MAB21L3: variants seen among roughly 807,000 people sequenced by gnomAD.
The protein encoded by MAB21L3 is mab-21 like 3.
Under a neutral mutation model 37.7 loss-of-function variants are expected in MAB21L3, and 36 were observed. The observed-to-expected ratio is 0.96, with a 90% CI of 0.73 to 1.26. The LOEUF is 1.26. Ranked by LOEUF, MAB21L3 falls within the 50% of genes most tolerant of loss-of-function variation. The pLI is 0.00. For missense variants in MAB21L3, 430 were observed against 447.3 expected (o/e 0.96, Z 0.35); for synonymous variants, 186 against 176.8 (o/e 1.05, Z -0.41).
chr1:116,117,456 C>T (rs946022848), intron 3 of MAB21L3, among the ~76,000 whole-genome samples: 2 of 151,992 alleles, frequency 1.3e-5, no homozygotes, highest in South Asian at 2.1e-4. Flanking sequence ...TTCTTTATTC[C>T]GGCTGGAAGA....
Position 116,136,695 on chromosome 1 carries a change from G to A in MAB21L3, c.*3330G>A, listed in dbSNP as rs1403918354. ...AATTCTAAGCCAAAAGAACAAAGCT[G>A]GAGGCATCACACTACCTGACTTCAA... On this transcript the variant is annotated 3_prime_UTR_variant, in exon 8 of 8. Coordinates refer to ENST00000369500, the MANE Select transcript of MAB21L3 (RefSeq NM_152367.3). Among the ~76,000 whole-genome samples, 1 of 152,180 alleles carries A rather than the reference G, an allele frequency of 6.6e-6. No homozygotes were observed. Among genetic ancestry groups the A allele is most frequent in the Non-Finnish European group, 1.5e-5 (1 of 68,044 alleles).
chr1:116,111,515 G>A lies in MAB21L3; in HGVS notation c.-392+5G>A, dbSNP rs186340558. 1.3e-5 allele frequency among the ~76,000 whole-genome samples: 2 copies of A among 152,268 alleles called. No individual in the cohort carries two copies. The highest frequency in any genetic ancestry group is 2.1e-4 in the South Asian group (1 of 4,828). The stretch of plus-strand genomic sequence containing the variant: ...CCTTTGGAACATTGTTTAAAAGTAA[G>A]TAGTGCTCCCAGAAGGGCTGTAATT... On this transcript the variant is annotated splice_donor_5th_base_variant and intron_variant, in intron 1 of 7. Transcript: ENST00000369500.
intron 2 of MAB21L3, among the ~76,000 whole-genome samples, chr1:116,112,099 G>A (rs7520848): frequency 6.6e-6 from 1 of 152,118 alleles, no homozygotes; most frequent in African/African-American, 2.4e-5. Context: ...CAATCCGTGG[G>A]ATTTTCTGGC....
intron 6 of MAB21L3, among the ~76,000 whole-genome samples, 177 bp downstream of exon 6, chr1:116,127,821 C>T (rs1253049954): frequency 3.9e-4 from 60 of 152,196 alleles, no homozygotes; most frequent in Admixed American, 3.9e-3. Flanking sequence ...AATGCAGCTT[C>T]CCGAGCCCCC....
At chr1:116,123,632 G>T (rs1258584794) in intron 4 of MAB21L3, among the ~76,000 whole-genome samples, 3 of 152,176 alleles carry the variant, frequency 2.0e-5, no homozygotes, top group Non-Finnish European at 4.4e-5. Flanking sequence ...AAGCCCCTCT[G>T]CATCTTGAAT....
chr1:116,123,947 C>G, intron 4 of MAB21L3, 119 bp from the exon 5 acceptor site: 2 of 992,100 alleles, frequency 2.0e-6, no homozygotes, highest in South Asian at 3.2e-5. Context: ...TATCTGGTCA[C>G]TCTGCTGAGG....
rs781180790 is a variant in MAB21L3, at chr1:116,124,278, C to T, written c.402C>T (p.Asp134=). ...WQWHETDVNI[D]GDIVPAKVLL... Reference sequence around the variant, plus strand: ...GGCATGAGACAGATGTGAACATCGACGGAGACATTGTGCCTGCCAAGGTCC... The same window carrying T: ...GGCATGAGACAGATGTGAACATCGATGGAGACATTGTGCCTGCCAAGGTCC... Residue 134 remains aspartate, a synonymous_variant, in exon 5 of 8, where the codon GAC becomes GAT. Coordinates refer to ENST00000369500, the MANE Select transcript of MAB21L3 (RefSeq NM_152367.3). 2.5e-5 allele frequency: 40 copies of T among 1,614,134 alleles called. No homozygotes were observed. The East Asian group carries it at 2.9e-4, about 12-fold the overall frequency.
rs775154274 is a variant in MAB21L3 at position 116,124,148 on chromosome 1, G to T, written c.272G>T (p.Arg91Leu). ...AGGGAGGCCAGGGAGCAGCACTGGC[G>T]GTACTACACACTGCAGGGCACCAGG... is the stretch of plus-strand genomic sequence containing the variant. ...GYREAREQHW[R>L]YYTLQGTRLP... The change falls in exon 5 of 8, where the codon CGG (arginine) becomes CTG (leucine). Residue 91 changes from arginine (R) to leucine (L), a missense_variant. Physicochemically the swap from Arg to Leu is moderately radical, Grantham distance 102. Coordinates refer to ENST00000369500, the MANE Select transcript of MAB21L3 (RefSeq NM_152367.3). 6.2e-7 allele frequency: 1 copy of T among 1,614,178 alleles called. No individual in the cohort carries two copies. The highest frequency in any genetic ancestry group is 1.1e-5 in the South Asian group (1 of 91,066).
intron 7 of MAB21L3, among the ~76,000 whole-genome samples, chr1:116,128,715 G>A (rs77137603): frequency 6.6e-6 from 1 of 152,118 alleles, no homozygotes; most frequent in Admixed American, 6.5e-5. Context: ...AATGTGGTTT[G>A]TGCCTCACAC....
At chr1:116,120,905 A>C in intron 3 of MAB21L3, 27 bp from the exon 4 acceptor site, 1 of 1,612,568 alleles carries the variant, frequency 6.2e-7, no homozygotes, top group Non-Finnish European at 8.5e-7. Context: ...GGAAATAACC[A>C]CCATTGCTGG....
intron 3 of MAB21L3, among the ~76,000 whole-genome samples, chr1:116,116,171 G>A (rs1249899247): frequency 6.6e-6 from 1 of 152,162 alleles, no homozygotes; most frequent in Non-Finnish European, 1.5e-5. Context: ...GCCAGAATAA[G>A]TGGAGAGAAA....
chr1:116,135,837 T>C lies in MAB21L3; in HGVS notation c.*2472T>C, dbSNP rs1315343943. Among the ~76,000 whole-genome samples the C allele has an allele frequency of 4.2e-4, 63 of 150,774 alleles. No individual in the cohort carries two copies. The highest frequency in any genetic ancestry group is 2.4e-4 in the Non-Finnish European group (16 of 67,148). On this transcript the variant is annotated 3_prime_UTR_variant, in exon 8 of 8. Coordinates refer to ENST00000369500, the MANE Select transcript of MAB21L3 (RefSeq NM_152367.3). ...GGCTGGTTCAATATACGCAAATCAA[T>C]AAATGTAATCCAGCATATAAACAGA...
chr1:116,131,013 A>G (rs1432474081), intron 7 of MAB21L3, among the ~76,000 whole-genome samples: 3 of 152,200 alleles, frequency 2.0e-5, no homozygotes, highest in Non-Finnish European at 4.4e-5. Flanking sequence ...CTAAACCATA[A>G]CATTAATGGA....
Position 116,121,005 on chromosome 1 carries a change from A to T in MAB21L3, c.122A>T (p.Asn41Ile). 6.2e-7 allele frequency: 1 copy of T among 1,614,096 alleles called. No individual in the cohort carries two copies. The highest frequency in any genetic ancestry group is 8.5e-7 in the Non-Finnish European group (1 of 1,179,994). ...VQKVVHHLTT[N>I]ISNQDIRFQA... ...AAAGTCGTTCATCATTTGACCACAA[A>T]CATCAGCAACCAAGACATTAGATTT... is the stretch of plus-strand genomic sequence containing the variant. The change falls in exon 4 of 8, where the codon AAC (asparagine) becomes ATC (isoleucine). Residue 41 changes from asparagine to isoleucine, a missense_variant. By Grantham distance (149) the Asn-to-Ile change is moderately radical. Coordinates refer to ENST00000369500, the MANE Select transcript of MAB21L3 (RefSeq NM_152367.3).
intron 3 of MAB21L3, among the ~76,000 whole-genome samples, chr1:116,113,901 C>A (rs1659497781): frequency 6.6e-6 from 1 of 152,174 alleles, no homozygotes; most frequent in Admixed American, 6.5e-5. Context: ...CTGCCTCTCT[C>A]ACGTGTGTCC....
rs1447507315 is a variant in MAB21L3 at position 116,127,533 on chromosome 1, G to A, written c.549G>A (p.Val183=). ...WVAVETSAYQ[V]ELELVPAVEI... ...CTGTGGAAACATCTGCATATCAGGT[G>A]GAACTGGAGCTGGTCCCCGCAGTGG... is the stretch of plus-strand genomic sequence containing the variant. Residue 183 remains valine (V), a synonymous_variant, in exon 6 of 8, where the codon GTG becomes GTA. Transcript: ENST00000369500. 4 of 1,614,106 alleles carry A rather than the reference G, an allele frequency of 2.5e-6. No individual in the cohort carries two copies. Among genetic ancestry groups the A allele is most frequent in the African/African-American group, 1.3e-5 (1 of 74,932 alleles).
rs1237176487 is a variant in MAB21L3 at position 116,137,658 on chromosome 1, A to G, written c.*4293A>G. Among the ~76,000 whole-genome samples, 29 of 151,508 alleles carry G rather than the reference A, an allele frequency of 1.9e-4. No homozygotes were observed. The highest frequency in any genetic ancestry group is 4.2e-4 in the South Asian group (2 of 4,798). ...CCAAAGGACTATAAATCATGCTGCT[A>G]TAAAGACACATGCACACGTATGTTT... On this transcript the variant is annotated 3_prime_UTR_variant, in exon 8 of 8. Transcript: ENST00000369500.
At position 116,133,432 on chromosome 1, in the gene MAB21L3, C is replaced by T; in HGVS notation, c.*67C>T. On this transcript the variant is annotated 3_prime_UTR_variant, in exon 8 of 8. Coordinates refer to ENST00000369500, the MANE Select transcript of MAB21L3 (RefSeq NM_152367.3). ...GCTTAACATTGTTCTTTGGATGGTT[C>T]CTCAGTCAGGTGCCAGGATCCTGCC... 1 of 1,441,138 alleles carries T rather than the reference C, an allele frequency of 6.9e-7. No homozygotes were observed. The highest frequency in any genetic ancestry group is 9.7e-7 in the Non-Finnish European group (1 of 1,033,340). 89.3% of individuals were successfully genotyped at this position (1,441,138 alleles called of 1,614,324 possible).
chr1:116,127,185 ACC>A (rs1176824804), intron 5 of MAB21L3, among the ~76,000 whole-genome samples: 4 of 152,182 alleles, frequency 2.6e-5, no homozygotes, highest in Non-Finnish European at 5.9e-5. Flanking sequence ...AAGAAAAGGT[ACC>A]CCAAATGCCT....
Sources: allele counts gnomAD v4.1 joint callset (sites outside exome capture counted in the v4.1 genomes callset), GRCh38; gene constraint gnomAD v4.1.1; transcripts MANE v1.5; gene names NCBI Gene and HGNC (gene_info 2026-07-23, HGNC 2026-07-21).